Variants in LRRFIP2 observed in about 807,000 individuals in gnomAD.
LRRFIP2 encodes the protein leucine-rich repeat flightless-interacting protein 2.
In LRRFIP2, 109 loss-of-function variants were observed where a neutral mutation model predicts 125.9. The observed-to-expected ratio is 0.87, with a 90% CI of 0.74 to 1.01. The LOEUF is 1.01. Ranked by LOEUF, LRRFIP2 falls within the 50% of genes least tolerant of loss-of-function variation. The pLI, the probability that LRRFIP2 is intolerant of heterozygous loss-of-function variation, is 0.00. For synonymous variants in LRRFIP2, 291 were observed against 293.1 expected (o/e 0.99, Z 0.07); for missense variants, 850 against 862.3 (o/e 0.99, Z 0.18).
chr3:37,082,571 T>C (rs1473794367), intron 19 of LRRFIP2, among the ~76,000 whole-genome samples: 4 of 152,182 alleles, frequency 2.6e-5, no homozygotes, highest in African/African-American at 9.7e-5. Context: ...CTCTTGGTGG[T>C]GTACATTCTA....
chr3:37,127,676 G>C lies in LRRFIP2; in HGVS notation c.182C>G (p.Ser61Cys), dbSNP rs370812379. Residue 61 changes from serine (S) to cysteine (C), a missense_variant, in exon 4 of 28, where the codon TCT becomes TGT. Coordinates refer to ENST00000336686, the MANE Select transcript of LRRFIP2 (RefSeq NM_006309.4). ...CCACTTCCGATCAAAGGAATGAAGAGAGTACTAGAAATGCAAAAATTTCAT... is the reference window on the plus strand; with the variant it reads ...CCACTTCCGATCAAAGGAATGAAGACAGTACTAGAAATGCAAAAATTTCAT... ...RELERQQKEY[S>C]LHSFDRKWGQ... The C allele has an allele frequency of 1.1e-5, 18 of 1,613,664 alleles. No individual in the cohort carries two copies. The highest frequency in any genetic ancestry group is 2.2e-5 in the East Asian group (1 of 44,826).
At chr3:37,158,332 C>T (rs987871019) in intron 1 of LRRFIP2, among the ~76,000 whole-genome samples, 4 of 152,158 alleles carry the variant, frequency 2.6e-5, no homozygotes, top group Middle Eastern at 3.4e-3. Flanking sequence ...ACAGGCCAGG[C>T]ACGGTGGCTC....
At chr3:37,117,142 C>A (rs1228518708) in intron 6 of LRRFIP2, among the ~76,000 whole-genome samples, 3 of 147,540 alleles carry the variant, frequency 2.0e-5, no homozygotes, top group Non-Finnish European at 3.0e-5. Flanking sequence ...AAAAAAAAAA[C>A]CTCCATGACC....
intron 1 of LRRFIP2, among the ~76,000 whole-genome samples, chr3:37,171,298 G>A (rs921092800): frequency 6.6e-6 from 1 of 152,132 alleles, no homozygotes; most frequent in Non-Finnish European, 1.5e-5. Context: ...TTCCTGACTT[G>A]CAAGAGGACC....
chr3:37,054,540 CT>C (rs764710937), intron 26 of LRRFIP2, 25 bp from the exon 27 acceptor site: 316 of 1,513,906 alleles, frequency 2.1e-4, no homozygotes, highest in Admixed American at 8.2e-4. Context: ...ACATAGGCCT[CT>C]AGTACTGGGC....
At chr3:37,128,446 T>C (rs549079936) in intron 3 of LRRFIP2, among the ~76,000 whole-genome samples, 6 of 152,270 alleles carry the variant, frequency 3.9e-5, no homozygotes, top group African/African-American at 1.4e-4. Flanking sequence ...TTTTCCTTTC[T>C]GATAAAAGTA....
intron 18 of LRRFIP2, among the ~76,000 whole-genome samples, chr3:37,089,743 A>T (rs555310437): frequency 6.6e-5 from 10 of 152,228 alleles, no homozygotes; most frequent in African/African-American, 2.4e-4. Flanking sequence ...CCTGAATCAC[A>T]TGATTGCTTT....
At chr3:37,096,480 G>A (rs932996411) in intron 16 of LRRFIP2, 136 bp downstream of exon 16, 2 of 591,766 alleles carry the variant, frequency 3.4e-6, no homozygotes, top group African/African-American at 4.0e-5. Context: ...AATTTTGGAG[G>A]GTCAAGGACA....
intron 1 of LRRFIP2, among the ~76,000 whole-genome samples, chr3:37,159,855 A>AAGGGG (rs1201638404): frequency 6.6e-6 from 1 of 151,326 alleles, no homozygotes; most frequent in Non-Finnish European, 1.5e-5. Flanking sequence ...AAAGAAAAAG[A>AAGGGG]AGGGGAGGAA....
intron 24 of LRRFIP2, among the ~76,000 whole-genome samples, chr3:37,059,382 A>G (rs1293082837): frequency 6.6e-6 from 1 of 152,202 alleles, no homozygotes; most frequent in Non-Finnish European, 1.5e-5. Context: ...CAGTTAACTG[A>G]TAGGGTATAT....
At chr3:37,131,586 A>T (rs1196670307) in intron 2 of LRRFIP2, among the ~76,000 whole-genome samples, 1 of 152,230 alleles carries the variant, frequency 6.6e-6, no homozygotes, top group Non-Finnish European at 1.5e-5. Flanking sequence ...GTCACATCCT[A>T]ACTCTGATTC....
chr3:37,170,499 A>G (rs1397189318), intron 1 of LRRFIP2: 1 of 152,284 alleles, frequency 6.6e-6, no homozygotes, highest in Non-Finnish European at 1.5e-5. Flanking sequence ...CAGGAAAAGC[A>G]GAATGAGAAT....
At chr3:37,164,909 G>T (rs2096438856) in intron 1 of LRRFIP2, among the ~76,000 whole-genome samples, 1 of 151,990 alleles carries the variant, frequency 6.6e-6, no homozygotes, top group Non-Finnish European at 1.5e-5. Context: ...GGTTATACAG[G>T]ATGCTACTCC....
At position 37,094,899 on chromosome 3, in the gene LRRFIP2, G is replaced by A. The variant is rs112346906; in HGVS notation, c.928C>T (p.Arg310Ter). 7.5e-6 allele frequency: 12 copies of A among 1,600,330 alleles called. No individual in the cohort carries two copies. Among genetic ancestry groups the A allele is most frequent in the East Asian group, 2.2e-5 (1 of 44,810 alleles). Residue 310 changes from arginine (R) to a stop codon, truncating the protein, a stop_gained, in exon 17 of 28, where the codon CGA becomes TGA. Transcript: ENST00000336686. LOFTEE classifies it high-confidence loss of function. The part of the protein sequence containing the change: ...YAENYTRPSS[R>*]NSASATTPLS... ...GGGGTTGTTGCTGAGGCAGAATTTC[G>A]AGATGAAGGCTAGAAAGAGAAATAT...
rs77907469 is a variant in LRRFIP2, at chr3:37,104,034, A to G, written c.784-1021T>C. On this transcript the variant is annotated intron_variant, in intron 14 of 27. Transcript: ENST00000336686. ...AAATACTTCTCAAGGAAGGGAATTC[A>G]GAAGCCCATCCACAGAGATAAAACA... Among the ~76,000 whole-genome samples, 422 of 152,278 alleles carry G rather than the reference A, an allele frequency of 2.8e-3. 3 individuals are homozygous for G. The highest frequency in any genetic ancestry group is 9.7e-3 in the African/African-American group (405 of 41,554).
At chr3:37,114,736 C>A (rs1559908729) in intron 7 of LRRFIP2, among the ~76,000 whole-genome samples, 2 of 151,582 alleles carry the variant, frequency 1.3e-5, no homozygotes, top group South Asian at 4.2e-4. Context: ...AGTCAGTAAG[C>A]TATGATTGCA....
intron 1 of LRRFIP2, among the ~76,000 whole-genome samples, chr3:37,167,761 A>T (rs1422026578): frequency 6.6e-6 from 1 of 152,046 alleles, no homozygotes; most frequent in Non-Finnish European, 1.5e-5. Context: ...AGGCTGGCGG[A>T]GCTCAGGAGT....
Position 37,134,687 on chromosome 3 carries a change from T to C in LRRFIP2, c.91-5538A>G, listed in dbSNP as rs1032074864. The C allele has an allele frequency of 2.2e-5, 16 of 721,974 alleles. No individual in the cohort carries two copies. In the East Asian group the frequency reaches 5.5e-4, roughly 25 times the overall value. 44.7% of individuals were successfully genotyped at this position (721,974 alleles called of 1,614,324 possible). A position where few individuals can be genotyped will look rare whatever the true frequency, so the allele number is the denominator to read the frequency against. On this transcript the variant is annotated intron_variant, in intron 2 of 27. Transcript: ENST00000336686. ...CACTAAGACAGATTAATAAGGAACT[T>C]AGTGATTTGGCCCATGACCCTCCAG...
At chr3:37,105,349 GCT>G (rs1047825058) in intron 14 of LRRFIP2, 104 bp downstream of exon 14, 8 of 893,630 alleles carry the variant, frequency 9.0e-6, no homozygotes, top group African/African-American at 8.3e-5. Context: ...TGAGGAAAAT[GCT>G]CTTTTTGTCA....
Sources: gnomAD v4.1 joint callset for allele counts (sites outside exome capture counted in the v4.1 genomes callset) on GRCh38, gnomAD v4.1.1 for gene constraint, MANE v1.5 for transcripts, NCBI Gene and HGNC (gene_info 2026-07-23, HGNC 2026-07-21) for gene names.